Variants in TIAM2 observed in about 807,000 individuals in gnomAD.
TIAM2 encodes the protein TIAM Rac1 associated GEF 2.
A neutral mutation model predicts 152.9 loss-of-function variants in TIAM2; 80 were observed. The observed-to-expected ratio is 0.52, with a 90% CI of 0.44 to 0.63. TIAM2 has a LOEUF of 0.63. Among genes scored for constraint, TIAM2 ranks in the 30% least tolerant of loss-of-function variants. The pLI is 0.00. For missense variants in TIAM2, 1,965 were observed against 2,120.1 expected, an observed-to-expected ratio of 0.93 and a Z score of 1.44; for synonymous variants, 804 against 838.0, an observed-to-expected ratio of 0.96 and a Z score of 0.70.
intron 1 of TIAM2, among the ~76,000 whole-genome samples, chr6:155,004,452 A>G (rs891820391): frequency 1.3e-5 from 2 of 152,086 alleles, no homozygotes; most frequent in African/African-American, 4.8e-5. Context: ...GTGCAGTGAC[A>G]TGATCTTGGC....
chr6:155,215,234 A>T (rs1247569961), intron 15 of TIAM2, among the ~76,000 whole-genome samples: 2 of 152,240 alleles, frequency 1.3e-5, no homozygotes, highest in Non-Finnish European at 2.9e-5. Context: ...GTTATTTAAC[A>T]ATGCCTATGG....
Position 155,028,823 on chromosome 6 carries a change from A to G in TIAM2, c.-209+33331A>G, listed in dbSNP as rs1026361478. Among the ~76,000 whole-genome samples, 20 of 134,816 alleles carry G rather than the reference A, an allele frequency of 1.5e-4. 1 individual carries two copies. The highest frequency in any genetic ancestry group is 2.5e-4 in the African/African-American group (9 of 36,158). The allele number at this position is 134,816 out of a possible 152,430, so 88.4% of individuals were successfully genotyped here. On this transcript the variant is annotated intron_variant, in intron 1 of 26. Coordinates refer to ENST00000682666, the MANE Select transcript of TIAM2 (RefSeq NM_012454.4). ...GTTATATACTATATATAATATATATACTGTGTTATATATATACTATGTTAT... is the reference window on the plus strand; with the variant it reads ...GTTATATACTATATATAATATATATGCTGTGTTATATATATACTATGTTAT...
At position 155,130,034 on chromosome 6, in the gene TIAM2, G is replaced by A. The variant is rs199946763; in HGVS notation, c.811G>A (p.Gly271Ser). Residue 271 changes from glycine to serine, a missense_variant, in exon 4 of 27, where the codon GGC becomes AGC. Transcript: ENST00000682666. ...GGCTGAGGGCTCCTTCCTGGCCCCCGGCATGCCTGACCCCAGTCTCCATGC... is the reference window on the plus strand; with the variant it reads ...GGCTGAGGGCTCCTTCCTGGCCCCCAGCATGCCTGACCCCAGTCTCCATGC... ...SEAEGSFLAP[G>S]MPDPSLHASF... is the part of the protein sequence containing the mutation. 78 of 1,614,014 alleles carry A rather than the reference G, an allele frequency of 4.8e-5. No homozygotes were observed. Among genetic ancestry groups the A allele is most frequent in the African/African-American group, 3.5e-4 (26 of 75,028 alleles).
intron 1 of TIAM2, among the ~76,000 whole-genome samples, chr6:155,015,912 G>C (rs1487911808): frequency 1.4e-5 from 2 of 144,270 alleles, no homozygotes; most frequent in African/African-American, 5.1e-5. Context: ...ACTCTAGCCT[G>C]GGCCACAGAG....
intron 1 of TIAM2, among the ~76,000 whole-genome samples, chr6:155,075,109 G>C (rs2114959414): frequency 6.6e-6 from 1 of 152,248 alleles, no homozygotes; most frequent in East Asian, 1.9e-4. Context: ...GGCTACTCCA[G>C]GTTACTCTCT....
intron 1 of TIAM2, among the ~76,000 whole-genome samples, chr6:155,040,404 G>A (rs1030593319): frequency 6.6e-5 from 10 of 152,166 alleles, no homozygotes; most frequent in African/African-American, 2.2e-4. Flanking sequence ...CGAATGTCAG[G>A]GAAGAAGACA....
chr6:155,253,861 G>C, intron 24 of TIAM2, 112 bp from the exon 25 acceptor site: 2 of 739,110 alleles, frequency 2.7e-6, no homozygotes, highest in Non-Finnish European at 4.4e-6. Context: ...AATGAGCCAG[G>C]ACTGGGAATA....
Position 155,142,003 on chromosome 6 carries a change from C to T in TIAM2, c.1631-2603C>T, listed in dbSNP as rs776848606. On this transcript the variant is annotated intron_variant, in intron 5 of 26. Coordinates refer to ENST00000682666, the MANE Select transcript of TIAM2 (RefSeq NM_012454.4). ...AACGACCCCTCCAAGCCAAGACCAG[C>T]GCTTGGTAGGGACTGGACAGGGCTG... Among the ~76,000 whole-genome samples the T allele has an allele frequency of 4.6e-5, 7 of 152,296 alleles. No individual in the cohort carries two copies. In the South Asian group the frequency reaches 6.2e-4, roughly 14 times the overall value.
intron 7 of TIAM2, among the ~76,000 whole-genome samples, chr6:155,148,806 G>A (rs1167411744): frequency 3.9e-5 from 6 of 152,170 alleles, no homozygotes; most frequent in East Asian, 1.9e-4. Context: ...AGCACGTAAC[G>A]AAATGCTTTC....
At chr6:155,100,851 C>G (rs538493270) in intron 2 of TIAM2, among the ~76,000 whole-genome samples, 4 of 152,206 alleles carry the variant, frequency 2.6e-5, no homozygotes, top group Admixed American at 2.6e-4. Context: ...GTGTCACATA[C>G]GAAACTGAGG....
At chr6:155,211,152 T>C (rs956796290) in intron 14 of TIAM2, 52 bp from the exon 15 acceptor site, 28 of 1,534,320 alleles carry the variant, frequency 1.8e-5, no homozygotes, top group Non-Finnish European at 2.4e-5. Context: ...CGGGTGTTAT[T>C]ATTCTCTGCA....
chr6:155,178,986 G>A, intron 10 of TIAM2, 53 bp from the exon 11 acceptor site: 1 of 1,360,650 alleles, frequency 7.3e-7, no homozygotes, highest in African/African-American at 1.4e-5. Flanking sequence ...GCTAACCAAT[G>A]ATGGATTTAG....
chr6:154,997,916 G>C (rs931006395), intron 1 of TIAM2, among the ~76,000 whole-genome samples: 3 of 152,052 alleles, frequency 2.0e-5, no homozygotes, highest in Non-Finnish European at 2.9e-5. Context: ...GGGATTGTAG[G>C]CATGAGCCAC....
intron 7 of TIAM2, among the ~76,000 whole-genome samples, 188 bp from the exon 8 acceptor site, chr6:155,164,227 G>A (rs904371382): frequency 1.4e-5 from 2 of 146,272 alleles, no homozygotes; most frequent in Non-Finnish European, 3.0e-5. Context: ...TGCCTGCCTC[G>A]CTTTCCAAAG....
rs192275821 is a variant in TIAM2, at chr6:155,215,684, A to G, written c.3168+4377A>G. ...AGAAAATTTCAAATTTAAGGATCAC[A>G]TTTTTTTTTCTGTTCCGTGGTTTTT... On this transcript the variant is annotated intron_variant, in intron 15 of 26. Transcript: ENST00000682666. Among the ~76,000 whole-genome samples, 60 of 146,778 alleles carry G rather than the reference A, an allele frequency of 4.1e-4. No individual in the cohort carries two copies. In the East Asian group the frequency reaches 0.011, roughly 26 times the overall value.
intron 2 of TIAM2, among the ~76,000 whole-genome samples, chr6:155,106,440 T>C (rs1407390750): frequency 6.6e-6 from 1 of 152,180 alleles, no homozygotes; most frequent in African/African-American, 2.4e-5. Flanking sequence ...AAGCACCACG[T>C]TGGGGTAACA....
intron 2 of TIAM2, among the ~76,000 whole-genome samples, chr6:155,118,817 C>T (rs1779080238): frequency 6.6e-6 from 1 of 151,662 alleles, no homozygotes; most frequent in Non-Finnish European, 1.5e-5. Flanking sequence ...TTGGGTTGTT[C>T]CTAACTTTCC....
intron 14 of TIAM2, among the ~76,000 whole-genome samples, chr6:155,208,024 G>A (rs1411344643): frequency 6.6e-6 from 1 of 152,024 alleles, no homozygotes; most frequent in African/African-American, 2.4e-5. Flanking sequence ...TTATGCCCTT[G>A]CCACAGCTGA....
At chr6:155,056,464 G>A (rs1207806397) in intron 1 of TIAM2, among the ~76,000 whole-genome samples, 1 of 151,602 alleles carries the variant, frequency 6.6e-6, no homozygotes, top group East Asian at 1.9e-4. Flanking sequence ...GAGCCACCGC[G>A]CCTGGCCCTT....
Sources: allele counts gnomAD v4.1 joint callset (sites outside exome capture counted in the v4.1 genomes callset), GRCh38; gene constraint gnomAD v4.1.1; transcripts MANE v1.5; gene names NCBI Gene and HGNC (gene_info 2026-07-23, HGNC 2026-07-21).